CTNNA1: variants seen among roughly 807,000 people sequenced by gnomAD.
The protein encoded by CTNNA1 is catenin alpha 1.
In CTNNA1, 37 loss-of-function variants were observed where a neutral mutation model predicts 98.4. That is an observed-to-expected ratio of 0.38 (90% CI 0.29 to 0.49). The LOEUF (loss-of-function observed/expected upper bound fraction) is 0.49. Ranked by LOEUF, CTNNA1 falls within the 20% of genes least tolerant of loss-of-function variation. The probability of loss-of-function intolerance (pLI) is 0.95; values close to 1 mark genes in which losing one functional copy is unlikely to be tolerated. For synonymous variants in CTNNA1, 404 were observed against 413.2 expected, an observed-to-expected ratio of 0.98 and a Z score of 0.27; for missense variants, 761 against 1,147.2, an observed-to-expected ratio of 0.66 and a Z score of 4.86.
intron 9 of CTNNA1, among the ~76,000 whole-genome samples, chr5:138,895,031 A>C (rs912388584): frequency 6.6e-6 from 1 of 152,054 alleles, no homozygotes; most frequent in African/African-American, 2.4e-5. Flanking sequence ...GAAACTATTG[A>C]ATTTATTTTC....
At chr5:138,797,027 T>G (rs1249044595) in intron 3 of CTNNA1, among the ~76,000 whole-genome samples, 1 of 152,216 alleles carries the variant, frequency 6.6e-6, no homozygotes, top group Non-Finnish European at 1.5e-5. Flanking sequence ...TGGCTTACTC[T>G]TATTTTGGAT....
intron 7 of CTNNA1, among the ~76,000 whole-genome samples, chr5:138,866,995 G>A (rs1764843311): frequency 6.6e-6 from 1 of 152,190 alleles, no homozygotes; most frequent in African/African-American, 2.4e-5. Context: ...ACCTGAGAAT[G>A]CTGTGGCATA....
intron 9 of CTNNA1, among the ~76,000 whole-genome samples, chr5:138,898,079 T>C (rs767498366): frequency 1.4e-4 from 21 of 152,124 alleles, no homozygotes; most frequent in Non-Finnish European, 3.1e-4. Flanking sequence ...TTTGGATCTG[T>C]CATAGCTGGT....
At chr5:138,901,438 G>C (rs1372140473) in intron 9 of CTNNA1, among the ~76,000 whole-genome samples, 1 of 152,160 alleles carries the variant, frequency 6.6e-6, no homozygotes, top group East Asian at 1.9e-4. Flanking sequence ...GGTATTACAA[G>C]CATGAGCCAC....
At chr5:138,922,987 A>C (rs1003104944) in intron 11 of CTNNA1, among the ~76,000 whole-genome samples, 3 of 134,522 alleles carry the variant, frequency 2.2e-5, no homozygotes, top group South Asian at 4.6e-4. Flanking sequence ...CCTTGGTGGA[A>C]GTTTGGGTCA....
chr5:138,831,054 C>T (rs987186106), intron 7 of CTNNA1, among the ~76,000 whole-genome samples: 2 of 152,308 alleles, frequency 1.3e-5, no homozygotes, highest in South Asian at 2.1e-4. Context: ...TTGTTTACTA[C>T]GTGGAACTTT....
At chr5:138,759,458 G>T (rs769855474) in intron 1 of CTNNA1, among the ~76,000 whole-genome samples, 1 of 152,184 alleles carries the variant, frequency 6.6e-6, no homozygotes, top group African/African-American at 2.4e-5. Flanking sequence ...TTAAAGTCTA[G>T]CTCCTAAAGA....
intron 1 of CTNNA1, among the ~76,000 whole-genome samples, chr5:138,779,901 A>G (rs935373914): frequency 2.0e-5 from 3 of 151,826 alleles, no homozygotes; most frequent in African/African-American, 4.8e-5. Flanking sequence ...GTTTTAATAG[A>G]GACGGGGTTT....
chr5:138,850,497 C>G (rs1014188811), intron 7 of CTNNA1, among the ~76,000 whole-genome samples: 1 of 152,138 alleles, frequency 6.6e-6, no homozygotes, highest in Non-Finnish European at 1.5e-5. Context: ...ATAATTAATA[C>G]TAATAATAGT....
intron 9 of CTNNA1, among the ~76,000 whole-genome samples, chr5:138,893,984 C>G (rs1756114914): frequency 6.6e-6 from 1 of 152,100 alleles, no homozygotes. Context: ...GTGGCATGAT[C>G]TCTGCTCACT....
intron 9 of CTNNA1, among the ~76,000 whole-genome samples, chr5:138,894,962 T>C (rs288006): frequency 0.013 from 1,983 of 152,308 alleles, 16 homozygotes; most frequent in African/African-American, 0.02. Context: ...CATTGCATCC[T>C]CTAGCAGTCA....
intron 3 of CTNNA1, among the ~76,000 whole-genome samples, chr5:138,790,610 GA>G (rs1756247335): frequency 6.6e-6 from 1 of 152,158 alleles, no homozygotes; most frequent in East Asian, 1.9e-4. Context: ...CAAAAATTGA[GA>G]CATGGCTCAT....
At chr5:138,883,342 A>G (rs925656192) in intron 7 of CTNNA1, among the ~76,000 whole-genome samples, 1 of 152,226 alleles carries the variant, frequency 6.6e-6, no homozygotes, top group Admixed American at 6.5e-5. Flanking sequence ...TCTGTCTAGT[A>G]TAACTTAAAG....
At chr5:138,836,952 C>T (rs1761838347) in intron 7 of CTNNA1, among the ~76,000 whole-genome samples, 2 of 152,110 alleles carry the variant, frequency 1.3e-5, no homozygotes, top group South Asian at 4.1e-4. Flanking sequence ...GTTTAAAAAA[C>T]TTAGACCGTT....
intron 7 of CTNNA1, chr5:138,869,895 G>A (rs1467480059): frequency 2.6e-5 from 4 of 152,620 alleles, no homozygotes; most frequent in Admixed American, 6.5e-5. Context: ...TCAGAGTTGT[G>A]TGTGGATTTA....
chr5:138,882,233 T>G (rs1753065340), intron 7 of CTNNA1, among the ~76,000 whole-genome samples: 1 of 152,182 alleles, frequency 6.6e-6, no homozygotes, highest in African/African-American at 2.4e-5. Flanking sequence ...TAGCAGAAGC[T>G]TCCACAAGGA....
At chr5:138,767,852 A>C (rs1370279998) in intron 1 of CTNNA1, among the ~76,000 whole-genome samples, 1 of 152,154 alleles carries the variant, frequency 6.6e-6, no homozygotes, top group Non-Finnish European at 1.5e-5. Context: ...TGTCACACTC[A>C]AGACCTTTTA....
At chr5:138,867,178 A>T (rs1473123357) in intron 7 of CTNNA1, among the ~76,000 whole-genome samples, 1 of 152,174 alleles carries the variant, frequency 6.6e-6, no homozygotes, top group Non-Finnish European at 1.5e-5. Flanking sequence ...TCTAGTGCTT[A>T]TGGGATGAGT....
chr5:138,865,033 T>C (rs911067297), intron 7 of CTNNA1, among the ~76,000 whole-genome samples: 9 of 152,116 alleles, frequency 5.9e-5, no homozygotes, highest in Non-Finnish European at 1.3e-4. Context: ...AGGCTGGTCT[T>C]GAACTCCTGA....
Sources: gnomAD v4.1 joint callset for allele counts (sites outside exome capture counted in the v4.1 genomes callset) on GRCh38, gnomAD v4.1.1 for gene constraint, MANE v1.5 for transcripts, NCBI Gene and HGNC (gene_info 2026-07-23, HGNC 2026-07-21) for gene names.